ETV6: variants seen among roughly 807,000 people sequenced by gnomAD.
ETV6 encodes transcription factor ETV6.
Under a neutral mutation model 51.1 loss-of-function variants are expected in ETV6, and 16 were observed. The ratio of observed to expected loss-of-function variants is 0.31; its 90% confidence interval spans 0.21 to 0.48. The LOEUF (loss-of-function observed/expected upper bound fraction) is 0.48. Among genes scored for constraint, ETV6 ranks in the 20% least tolerant of loss-of-function variants. The pLI is 0.99. For synonymous variants in ETV6, 240 were observed against 224.1 expected (o/e 1.07, Z -0.64); for missense variants, 458 against 594.8 (o/e 0.77, Z 2.39).
intron 2 of ETV6, among the ~76,000 whole-genome samples, chr12:11,777,145 C>T (rs1466732491): frequency 6.9e-6 from 1 of 144,696 alleles, no homozygotes; most frequent in Non-Finnish European, 1.5e-5. Flanking sequence ...GAGGCTGAGG[C>T]AGGAGAATGG....
chr12:11,687,966 C>T (rs922183441), intron 1 of ETV6, among the ~76,000 whole-genome samples: 3 of 152,216 alleles, frequency 2.0e-5, no homozygotes, highest in East Asian at 1.9e-4. Flanking sequence ...TACAGGTATT[C>T]GCTCATTTAT....
intron 2 of ETV6, among the ~76,000 whole-genome samples, chr12:11,785,313 T>G (rs1945470492): frequency 6.6e-6 from 1 of 152,216 alleles, no homozygotes. Flanking sequence ...CCTTCAGAGA[T>G]ATCTGCTGAA....
At chr12:11,691,646 T>A (rs752055167) in intron 1 of ETV6, among the ~76,000 whole-genome samples, 2 of 152,242 alleles carry the variant, frequency 1.3e-5, no homozygotes, top group Non-Finnish European at 2.9e-5. Context: ...ACTGCCAGCA[T>A]TCATGTGTAT....
At chr12:11,848,712 T>C (rs1946503365) in intron 3 of ETV6, among the ~76,000 whole-genome samples, 1 of 152,204 alleles carries the variant, frequency 6.6e-6, no homozygotes, top group Non-Finnish European at 1.5e-5. Context: ...CTAGAACTCT[T>C]CCCAGGGACC....
At chr12:11,743,792 G>C (rs1312240186) in intron 1 of ETV6, among the ~76,000 whole-genome samples, 1 of 152,138 alleles carries the variant, frequency 6.6e-6, no homozygotes, top group Non-Finnish European at 1.5e-5. Context: ...CTGAGCCGTC[G>C]CTTTTCTTTC....
intron 1 of ETV6, among the ~76,000 whole-genome samples, chr12:11,673,307 A>C (rs1417474756): frequency 2.6e-5 from 4 of 152,116 alleles, no homozygotes; most frequent in Admixed American, 1.3e-4. Flanking sequence ...GAATTTGGAG[A>C]TGTCCATGAA....
chr12:11,734,950 A>C (rs1865674493), intron 1 of ETV6, among the ~76,000 whole-genome samples: 2 of 152,236 alleles, frequency 1.3e-5, no homozygotes, highest in African/African-American at 4.8e-5. Context: ...TGATAACAAT[A>C]TGAAACCTTT....
chr12:11,865,238 G>A lies in ETV6; in HGVS notation c.464-4186G>A, dbSNP rs533538373. ...TGCACTCCAGCCTGGGTGAAAGAGC[G>A]AGACTCCGTCTCAAAAAAAAAAAAA... On this transcript the variant is annotated intron_variant, in intron 4 of 7. Coordinates refer to ENST00000396373, the MANE Select transcript of ETV6 (RefSeq NM_001987.5). Among the ~76,000 whole-genome samples, 331 of 134,298 alleles carry A rather than the reference G, an allele frequency of 2.5e-3. 1 individual carries two copies. Among genetic ancestry groups the A allele is most frequent in the Admixed American group, 7.2e-3 (90 of 12,474 alleles). 88.1% of individuals were successfully genotyped at this position (134,298 alleles called of 152,430 possible). A position where few individuals can be genotyped will look rare whatever the true frequency, so the allele number is the denominator to read the frequency against.
At chr12:11,801,352 G>A (rs921186405) in intron 2 of ETV6, among the ~76,000 whole-genome samples, 10 of 152,186 alleles carry the variant, frequency 6.6e-5, no homozygotes, top group Admixed American at 2.6e-4. Flanking sequence ...CATTTTGGAC[G>A]TGTTTCCTAT....
At chr12:11,686,183 T>A (rs977615180) in intron 1 of ETV6, among the ~76,000 whole-genome samples, 2 of 152,246 alleles carry the variant, frequency 1.3e-5, no homozygotes, top group Non-Finnish European at 2.9e-5. Flanking sequence ...ATGAAATAAT[T>A]ACTCTTCCTC....
intron 7 of ETV6, among the ~76,000 whole-genome samples, chr12:11,887,313 ATC>A (rs533466165): frequency 5.9e-5 from 9 of 152,208 alleles, no homozygotes; most frequent in Middle Eastern, 3.4e-3. Context: ...AGGCTCTTAA[ATC>A]TCTATATCCA....
chr12:11,869,322 C>T lies in ETV6; in HGVS notation c.464-102C>T, dbSNP rs925195258. On this transcript the variant is annotated intron_variant, in intron 4 of 7. Coordinates refer to ENST00000396373, the MANE Select transcript of ETV6 (RefSeq NM_001987.5). The surrounding 1 kb of genome is among the most constrained non-coding windows in gnomAD (Gnocchi z 5.0). Reference sequence around the variant, plus strand: ...ATTCTGGGGAGAAAGGTCCTTTACACATACCTACACGCTCCTCCATTTACC... The same window carrying T: ...ATTCTGGGGAGAAAGGTCCTTTACATATACCTACACGCTCCTCCATTTACC... The T allele has an allele frequency of 1.0e-5, 10 of 991,302 alleles. No individual in the cohort carries two copies. The highest frequency in any genetic ancestry group is 1.5e-5 in the Non-Finnish European group (10 of 664,378). 61.4% of individuals were successfully genotyped at this position (991,302 alleles called of 1,614,324 possible). A position where few individuals can be genotyped will look rare whatever the true frequency, so the allele number is the denominator to read the frequency against.
intron 2 of ETV6, among the ~76,000 whole-genome samples, chr12:11,762,084 A>G (rs577932314): frequency 3.3e-5 from 5 of 152,300 alleles, no homozygotes; most frequent in South Asian, 2.1e-4. Flanking sequence ...GCATTTCCCT[A>G]TGGTTCCTGT....
intron 2 of ETV6, among the ~76,000 whole-genome samples, chr12:11,812,739 A>T (rs747021742): frequency 3.3e-5 from 5 of 152,176 alleles, no homozygotes; most frequent in Non-Finnish European, 7.3e-5. Context: ...TGTGAGTTTG[A>T]AAGCTGCAGG....
At chr12:11,790,866 C>T (rs576715518) in intron 2 of ETV6, among the ~76,000 whole-genome samples, 22 of 151,990 alleles carry the variant, frequency 1.4e-4, no homozygotes, top group Admixed American at 3.3e-4. Flanking sequence ...TTAGTAGAGA[C>T]GGGCTTTCAC....
At position 11,892,210 on chromosome 12, in the gene ETV6, A is replaced by ATTTTTTTTTTTTTTTTTTTTT. The variant is rs35812814; in HGVS notation, c.*1167_*1187dup. On this transcript the variant is annotated 3_prime_UTR_variant, in exon 8 of 8. Transcript: ENST00000396373. ...GTGGTCAGTTTCATGCCCTCACCTG[A>ATTTTTTTTTTTTTTTTTTTTT]TTTTTTTTTTTTTTTTTTTTTTTCA... The ATTTTTTTTTTTTTTTTTTTTT allele has an allele frequency of 7.0e-5, 10 of 142,254 alleles. No individual in the cohort carries two copies. The highest frequency in any genetic ancestry group is 4.2e-4 in the African/African-American group (10 of 23,878). 8.8% of individuals were successfully genotyped at this position (142,254 alleles called of 1,614,324 possible).
chr12:11,706,701 C>A (rs1216664642), intron 1 of ETV6, among the ~76,000 whole-genome samples: 1 of 152,222 alleles, frequency 6.6e-6, no homozygotes, highest in Admixed American at 6.5e-5. Flanking sequence ...ATCATACACC[C>A]CAGCTGCCCT....
At position 11,878,828 on chromosome 12, in the gene ETV6, G is replaced by GA. The variant is rs58898825; in HGVS notation, c.1010-5603dup. Among the ~76,000 whole-genome samples the GA allele has an allele frequency of 7.9e-3, 1,109 of 139,842 alleles. 17 individuals carry two copies. The highest frequency in any genetic ancestry group is 0.031 in the African/African-American group (1,070 of 35,072). The allele number at this position is 139,842 out of a possible 152,430, so 91.7% of individuals were successfully genotyped here. A position where few individuals can be genotyped will look rare whatever the true frequency, so the allele number is the denominator to read the frequency against. ...GATCTAGAATAGAGGAGGAGGAGGG[G>GA]AAAAAAAAAAAAAACAAGCAGCAGA... On this transcript the variant is annotated intron_variant, in intron 5 of 7. Coordinates refer to ENST00000396373, the MANE Select transcript of ETV6 (RefSeq NM_001987.5).
intron 1 of ETV6, among the ~76,000 whole-genome samples, chr12:11,659,831 G>A (rs750144873): frequency 6.6e-6 from 1 of 152,166 alleles, no homozygotes; most frequent in Non-Finnish European, 1.5e-5. Flanking sequence ...ACTGCTAAGA[G>A]GTGAGGAAGG....
Sources: gnomAD v4.1 joint callset for allele counts (sites outside exome capture counted in the v4.1 genomes callset) on GRCh38, gnomAD v4.1.1 for gene constraint, Gnocchi (gnomAD v3.1) non-coding constraint, MANE v1.5 for transcripts, NCBI Gene and HGNC (gene_info 2026-07-23, HGNC 2026-07-21) for gene names.